Variants in CYCS observed in about 807,000 individuals in gnomAD.
The protein encoded by CYCS is cytochrome c, somatic.
For missense variants in CYCS, 87 were observed against 125.3 expected, an observed-to-expected ratio of 0.69 and a Z score of 1.46; for synonymous variants, 41 against 43.0, an observed-to-expected ratio of 0.95 and a Z score of 0.18.
intron 1 of CYCS, chr7:25,124,904 T>C (rs1390303908): frequency 6.6e-6 from 1 of 152,534 alleles, no homozygotes; most frequent in Non-Finnish European, 1.5e-5. Flanking sequence ...TTGCCTATCA[T>C]TTCCATAGCC....
chr7:25,123,315 A>T lies in CYCS; in HGVS notation c.*386T>A. 1 of 292,862 alleles carries T rather than the reference A, an allele frequency of 3.4e-6. No homozygotes were observed. Among genetic ancestry groups the T allele is most frequent in the Non-Finnish European group, 6.6e-6 (1 of 151,042 alleles). The allele number at this position is 292,862 out of a possible 1,614,324, so 18.1% of individuals were successfully genotyped here. A position where few individuals can be genotyped will look rare whatever the true frequency, so the allele number is the denominator to read the frequency against. On this transcript the variant is annotated 3_prime_UTR_variant, in exon 3 of 3. Coordinates refer to ENST00000305786, the MANE Select transcript of CYCS (RefSeq NM_018947.6). ...CAGGTGAATCTTGCTTGGTTCTAAG[A>T]CAGTGAAGCAATTTCCCCAGTATTT...
At position 25,119,589 on chromosome 7, in the gene CYCS, TTTA is replaced by T. The variant is rs959836065; in HGVS notation, c.*4109_*4111del. Reference sequence around the variant, plus strand: ...CTGCACCCAGACCACTTTTTTTTTTTTTAAAAGAGATGGAGTTTCCTTTATCTG... The same window carrying T: ...CTGCACCCAGACCACTTTTTTTTTTTAAAGAGATGGAGTTTCCTTTATCTG... On this transcript the variant is annotated 3_prime_UTR_variant, in exon 3 of 3. Coordinates refer to ENST00000305786, the MANE Select transcript of CYCS (RefSeq NM_018947.6). Among the ~76,000 whole-genome samples the T allele has an allele frequency of 5.3e-5, 8 of 151,706 alleles. No homozygotes were observed. Among genetic ancestry groups the T allele is most frequent in the African/African-American group, 1.7e-4 (7 of 41,272 alleles).
In CYCS at chr7:25,122,431, T is replaced by C. The variant is rs976113239; in HGVS notation, c.*1270A>G. 6 of 152,234 alleles carry C rather than the reference T, an allele frequency of 3.9e-5. No individual in the cohort carries two copies. Among genetic ancestry groups the C allele is most frequent in the African/African-American group, 1.2e-4 (5 of 41,456 alleles). The allele number at this position is 152,234 out of a possible 1,614,324, so 9.4% of individuals were successfully genotyped here. ...CTCAGCTGCACCAGCATAGATTTAT[T>C]TTCTCATTATTCTTTATGACTTACC... On this transcript the variant is annotated 3_prime_UTR_variant, in exon 3 of 3. Transcript: ENST00000305786.
rs1170944613 is a variant in CYCS, at chr7:25,120,922, C to T, written c.*2779G>A. ...GGTAGATCACCTGACGTCGGGAGTT[C>T]AAGACCAGCCTGTCCAGCATGGAGA... On this transcript the variant is annotated 3_prime_UTR_variant, in exon 3 of 3. Coordinates refer to ENST00000305786, the MANE Select transcript of CYCS (RefSeq NM_018947.6). 6.6e-6 allele frequency: 1 copy of T among 151,076 alleles called. No individual in the cohort carries two copies. Among genetic ancestry groups the T allele is most frequent in the Non-Finnish European group, 1.5e-5 (1 of 67,742 alleles). 9.4% of individuals were successfully genotyped at this position (151,076 alleles called of 1,614,324 possible). A position where few individuals can be genotyped will look rare whatever the true frequency, so the allele number is the denominator to read the frequency against.
At chr7:25,124,190 T>G (rs990659312) in intron 1 of CYCS, 63 bp from the exon 2 acceptor site, 1 of 1,268,706 alleles carries the variant, frequency 7.9e-7, no homozygotes, top group Non-Finnish European at 1.1e-6. Context: ...TGTAAATGAA[T>G]GACCACTCTA....
At position 25,120,911 on chromosome 7, in the gene CYCS, C is replaced by A. The variant is rs769168847; in HGVS notation, c.*2790G>T. On this transcript the variant is annotated 3_prime_UTR_variant, in exon 3 of 3. Transcript: ENST00000305786. ...AGGCCGAGGCAGGTAGATCACCTGA[C>A]GTCGGGAGTTCAAGACCAGCCTGTC... The A allele has an allele frequency of 6.6e-6, 1 of 150,594 alleles. No individual in the cohort carries two copies. Among genetic ancestry groups the A allele is most frequent in the African/African-American group, 2.4e-5 (1 of 40,904 alleles). The allele number at this position is 150,594 out of a possible 1,614,324, so 9.3% of individuals were successfully genotyped here.
chr7:25,124,181 GTAAATGAATGACCACTCTAGCCACT>G (rs1394005930), intron 1 of CYCS, 54 bp from the exon 2 acceptor site: 14 of 1,372,940 alleles, frequency 1.0e-5, no homozygotes, highest in Non-Finnish European at 1.2e-5. Flanking sequence ...CAAATACAGT[GTAAATGAATGACCACTCTAGCCACT>G]TAATTACCAA....
chr7:25,124,521 A>G (rs750119186), intron 1 of CYCS, among the ~76,000 whole-genome samples: 3 of 152,180 alleles, frequency 2.0e-5, no homozygotes, highest in Non-Finnish European at 4.4e-5. Flanking sequence ...TCTTACTACA[A>G]TGTAAAGCCA....
Position 25,120,810 on chromosome 7 carries a change from A to T in CYCS, c.*2891T>A, listed in dbSNP as rs1783348640. On this transcript the variant is annotated 3_prime_UTR_variant, in exon 3 of 3. Transcript: ENST00000305786. The stretch of plus-strand genomic sequence containing the variant: ...TTATTTCTGAAGGTATATATCCCTG[A>T]TAGAAATGTCCTTTTTAAAAAATTA... 6.6e-6 allele frequency: 1 copy of T among 152,190 alleles called. No homozygotes were observed. The highest frequency in any genetic ancestry group is 1.5e-5 in the Non-Finnish European group (1 of 68,044). 9.4% of individuals were successfully genotyped at this position (152,190 alleles called of 1,614,324 possible).
rs1256000386 is a variant in CYCS, at chr7:25,121,396, A to T, written c.*2305T>A. ...CATCTCCACTAAAAATACAAAAATT[A>T]GCCAGGCGTGGTGGCGGGTGCCTGT... is the stretch of plus-strand genomic sequence containing the variant. On this transcript the variant is annotated 3_prime_UTR_variant, in exon 3 of 3. Coordinates refer to ENST00000305786, the MANE Select transcript of CYCS (RefSeq NM_018947.6). 6.6e-6 allele frequency: 1 copy of T among 151,016 alleles called. No homozygotes were observed. Among genetic ancestry groups the T allele is most frequent in the African/African-American group, 2.4e-5 (1 of 40,978 alleles). 9.4% of individuals were successfully genotyped at this position (151,016 alleles called of 1,614,324 possible).
Position 25,123,702 on chromosome 7 carries a change from T to C in CYCS, c.317A>G (p.Ter106=), listed in dbSNP as rs769230574. Residue 106 remains the stop codon, a stop_retained_variant, in exon 3 of 3, where the codon TAA becomes TGA. Transcript: ENST00000305786. ...AATAAATAAGGCAGTGGCCAATTAT[T>C]ACTCATTAGTAGCTTTTTTGAGATA... ...IAYLKKATNE[*] is the part of the protein sequence containing the mutation. 8 of 1,599,650 alleles carry C rather than the reference T, an allele frequency of 5.0e-6. No individual in the cohort carries two copies. The East Asian group carries it at 1.6e-4, about 31-fold the overall frequency.
rs1249734105 is a variant in CYCS at position 25,118,930 on chromosome 7, T to A, written c.*4771A>T. 2.6e-5 allele frequency among the ~76,000 whole-genome samples: 4 copies of A among 152,242 alleles called. No individual in the cohort carries two copies. Among genetic ancestry groups the A allele is most frequent in the Non-Finnish European group, 2.9e-5 (2 of 68,044 alleles). ...TGAGGGAAATGATAGCCTGAAGGCA[T>A]GACGTTTTCAAATACCCCAAACTCC... On this transcript the variant is annotated 3_prime_UTR_variant, in exon 3 of 3. Coordinates refer to ENST00000305786, the MANE Select transcript of CYCS (RefSeq NM_018947.6).
rs1482925389 is a variant in CYCS at position 25,123,578 on chromosome 7, A to G, written c.*123T>C. Reference sequence around the variant, plus strand: ...CTTAGTTTTAAATCAGGACTGCCCAACAAAATATTCTGTCAGTCATTCATG... The same window carrying G: ...CTTAGTTTTAAATCAGGACTGCCCAGCAAAATATTCTGTCAGTCATTCATG... On this transcript the variant is annotated 3_prime_UTR_variant, in exon 3 of 3. Transcript: ENST00000305786. 3 of 913,402 alleles carry G rather than the reference A, an allele frequency of 3.3e-6. No individual in the cohort carries two copies. The African/African-American group carries it at 4.9e-5, about 15-fold the overall frequency. The allele number at this position is 913,402 out of a possible 1,614,324, so 56.6% of individuals were successfully genotyped here.
At chr7:25,123,911 C>T (rs1207668822) in intron 2 of CYCS, 40 bp downstream of exon 2, 11 of 1,613,914 alleles carry the variant, frequency 6.8e-6, no homozygotes, top group African/African-American at 2.7e-5. Flanking sequence ...ATGTTATATT[C>T]CTGCATTTTG....
At chr7:25,124,914 C>T (rs1202594966) in intron 1 of CYCS, 1 of 152,564 alleles carries the variant, frequency 6.6e-6, no homozygotes, top group African/African-American at 2.4e-5. Flanking sequence ...TTTCCATAGC[C>T]CTTCAGCAAC....
At chr7:25,124,197 T>G in intron 1 of CYCS, 70 bp from the exon 2 acceptor site, 2 of 1,164,230 alleles carry the variant, frequency 1.7e-6, no homozygotes, top group East Asian at 4.7e-5. Flanking sequence ...GAATGACCAC[T>G]CTAGCCACTT....
rs1420858268 is a variant in CYCS, at chr7:25,120,763, G to T, written c.*2938C>A. Reference sequence around the variant, plus strand: ...GAAATGAAAACATGTGGTTTATAGTGCTCTTTTTTTCCCCTATTTCCTTAT... The same window carrying T: ...GAAATGAAAACATGTGGTTTATAGTTCTCTTTTTTTCCCCTATTTCCTTAT... On this transcript the variant is annotated 3_prime_UTR_variant, in exon 3 of 3. Transcript: ENST00000305786. The T allele has an allele frequency of 1.3e-5, 2 of 152,196 alleles. No homozygotes were observed. Among genetic ancestry groups the T allele is most frequent in the Non-Finnish European group, 2.9e-5 (2 of 68,042 alleles). 9.4% of individuals were successfully genotyped at this position (152,196 alleles called of 1,614,324 possible). A position where few individuals can be genotyped will look rare whatever the true frequency, so the allele number is the denominator to read the frequency against.
In CYCS at chr7:25,121,994, T is replaced by C. The variant is rs1783371044; in HGVS notation, c.*1707A>G. 9.1e-6 allele frequency: 1 copy of C among 109,324 alleles called. No individual in the cohort carries two copies. Among genetic ancestry groups the C allele is most frequent in the Non-Finnish European group, 1.8e-5 (1 of 56,188 alleles). 6.8% of individuals were successfully genotyped at this position (109,324 alleles called of 1,614,324 possible). Reference sequence around the variant, plus strand: ...GAACACATTTCTGTATCTATCTTAATATGTTTCCTGTATCATTTCCAGGAT... The same window carrying C: ...GAACACATTTCTGTATCTATCTTAACATGTTTCCTGTATCATTTCCAGGAT... On this transcript the variant is annotated 3_prime_UTR_variant, in exon 3 of 3. Coordinates refer to ENST00000305786, the MANE Select transcript of CYCS (RefSeq NM_018947.6).
chr7:25,123,358 C>T lies in CYCS; in HGVS notation c.*343G>A, dbSNP rs1783391791. 1 of 319,632 alleles carries T rather than the reference C, an allele frequency of 3.1e-6. No homozygotes were observed. Among genetic ancestry groups the T allele is most frequent in the Non-Finnish European group, 6.0e-6 (1 of 165,624 alleles). The allele number at this position is 319,632 out of a possible 1,614,324, so 19.8% of individuals were successfully genotyped here. On this transcript the variant is annotated 3_prime_UTR_variant, in exon 3 of 3. Coordinates refer to ENST00000305786, the MANE Select transcript of CYCS (RefSeq NM_018947.6). ...CAGTATTTAAATATATTCACATAAC[C>T]AGTTATATAAATCTAAATATAAAAC...
Sources: gnomAD v4.1 joint callset for allele counts (sites outside exome capture counted in the v4.1 genomes callset) on GRCh38, gnomAD v4.1.1 for gene constraint, MANE v1.5 for transcripts, NCBI Gene and HGNC (gene_info 2026-07-23, HGNC 2026-07-21) for gene names.